FHIT: variants seen among roughly 807,000 people sequenced by gnomAD.
FHIT encodes bis(5'-adenosyl)-triphosphatase.
In FHIT, 19 loss-of-function variants were observed where a neutral mutation model predicts 17.9. That is an observed-to-expected ratio of 1.06 (90% CI 0.74 to 1.56). The LOEUF is 1.56. Ranked by LOEUF, FHIT falls within the 40% of genes most tolerant of loss-of-function variation. FHIT has a pLI of 0.00. For missense variants in FHIT, 248 were observed against 189.2 expected (o/e 1.31, Z -1.82); for synonymous variants, 81 against 69.7 (o/e 1.16, Z -0.81).
In FHIT at chr3:59,838,979, G is replaced by GA. The variant is rs537715334; in HGVS notation, c.348+83366dup. Among the ~76,000 whole-genome samples, 674 of 151,282 alleles carry GA rather than the reference G, an allele frequency of 4.5e-3. 7 individuals carry two copies. Among genetic ancestry groups the GA allele is most frequent in the African/African-American group, 0.015 (638 of 41,282 alleles). On this transcript the variant is annotated intron_variant, in intron 8 of 9. Transcript: ENST00000492590. ...TGGGATCTGGGTGACCTTTACTTAG[G>GA]AAAAAAAAGAGATCTATTCCACAAA...
chr3:60,590,236 C>T (rs1553663694), intron 4 of FHIT, among the ~76,000 whole-genome samples: 3 of 152,094 alleles, frequency 2.0e-5, no homozygotes, highest in Admixed American at 6.6e-5. Context: ...ACCACCTTGG[C>T]GGACATCAAA....
At chr3:60,179,077 C>T (rs1701808522) in intron 5 of FHIT, among the ~76,000 whole-genome samples, 1 of 152,062 alleles carries the variant, frequency 6.6e-6, no homozygotes, top group South Asian at 2.1e-4. Context: ...TTAAAGATTC[C>T]TCAGAATTAG....
chr3:61,184,215 C>T (rs1219004040), intron 2 of FHIT, among the ~76,000 whole-genome samples: 1 of 152,044 alleles, frequency 6.6e-6, no homozygotes. Context: ...GCTAACATCC[C>T]CTTTGGGCAG....
At chr3:60,369,735 G>C (rs1043276141) in intron 5 of FHIT, among the ~76,000 whole-genome samples, 2 of 152,112 alleles carry the variant, frequency 1.3e-5, no homozygotes, top group African/African-American at 4.8e-5. Context: ...GCTGCGACAG[G>C]ACTCCAATAT....
intron 4 of FHIT, among the ~76,000 whole-genome samples, chr3:60,612,605 T>C (rs1226636729): frequency 1.3e-5 from 2 of 152,218 alleles, no homozygotes; most frequent in African/African-American, 4.8e-5. Context: ...AGGTCACCCA[T>C]TCCAAGTCTG....
chr3:60,912,071 ACG>A (rs55727704), intron 3 of FHIT, among the ~76,000 whole-genome samples: 14 of 147,778 alleles, frequency 9.5e-5, no homozygotes, highest in Non-Finnish European at 1.8e-4. Flanking sequence ...ACACACACAC[ACG>A]TACACACACA....
At chr3:60,833,529 C>T (rs528422176) in intron 3 of FHIT, among the ~76,000 whole-genome samples, 1 of 152,268 alleles carries the variant, frequency 6.6e-6, no homozygotes, top group Non-Finnish European at 1.5e-5. Context: ...CTGTGACCTT[C>T]TCCTCTATGA....
At chr3:59,857,788 A>T (rs1346789422) in intron 8 of FHIT, among the ~76,000 whole-genome samples, 1 of 150,856 alleles carries the variant, frequency 6.6e-6, no homozygotes, top group African/African-American at 2.5e-5. Context: ...ACAAGAATGC[A>T]TTTCTCAACA....
Position 60,096,159 on chromosome 3 carries a change from G to T in FHIT, c.104-82007C>A, listed in dbSNP as rs1703940431. ...AGCCCGCTCAGGCCGAGTCTGACTT[G>T]CACACTAGTTCCCAAGTTCTTGTCC... On this transcript the variant is annotated intron_variant, in intron 5 of 9. Coordinates refer to ENST00000492590, the MANE Select transcript of FHIT (RefSeq NM_002012.4). Among the ~76,000 whole-genome samples the T allele has an allele frequency of 2.6e-5, 4 of 152,158 alleles. No homozygotes were observed. In the South Asian group the frequency reaches 8.3e-4, roughly 32 times the overall value.
intron 2 of FHIT, among the ~76,000 whole-genome samples, chr3:61,154,573 G>T (rs189252134): frequency 6.6e-6 from 1 of 152,098 alleles, no homozygotes; most frequent in South Asian, 2.1e-4. Context: ...AAGATCAGAG[G>T]AAATGATTTA....
intron 8 of FHIT, among the ~76,000 whole-genome samples, chr3:59,854,188 T>C (rs1474422827): frequency 6.6e-6 from 1 of 152,098 alleles, no homozygotes; most frequent in Non-Finnish European, 1.5e-5. Context: ...CTAAGGTGCA[T>C]GAAAGAAAAA....
intron 8 of FHIT, among the ~76,000 whole-genome samples, chr3:59,913,436 G>A (rs1704979303): frequency 1.3e-5 from 2 of 152,128 alleles, no homozygotes; most frequent in Non-Finnish European, 2.9e-5. Context: ...CCATGAGCTG[G>A]TTATGAGGTT....
intron 7 of FHIT, among the ~76,000 whole-genome samples, chr3:59,973,120 C>T (rs1708260508): frequency 6.6e-6 from 1 of 152,072 alleles, no homozygotes; most frequent in Non-Finnish European, 1.5e-5. Context: ...ATGGCAATTA[C>T]TGACATGTCT....
intron 8 of FHIT, among the ~76,000 whole-genome samples, chr3:59,846,966 T>G (rs188239394): frequency 2.6e-5 from 4 of 152,296 alleles, no homozygotes; most frequent in East Asian, 3.9e-4. Context: ...GGATCCCTAG[T>G]GCATGACAAA....
intron 4 of FHIT, among the ~76,000 whole-genome samples, chr3:60,587,522 A>T (rs958838289): frequency 4.2e-5 from 5 of 119,878 alleles, no homozygotes; most frequent in Admixed American, 2.4e-4. Context: ...AATAAAATTT[A>T]AAAAAAACTC....
chr3:61,214,068 T>C (rs928849975), intron 1 of FHIT, among the ~76,000 whole-genome samples: 1 of 152,002 alleles, frequency 6.6e-6, no homozygotes, highest in African/African-American at 2.4e-5. Flanking sequence ...AGATCCAAAA[T>C]TGACACCCTA....
chr3:60,112,893 T>C (rs1704740634), intron 5 of FHIT, among the ~76,000 whole-genome samples: 1 of 152,188 alleles, frequency 6.6e-6, no homozygotes, highest in South Asian at 2.1e-4. Context: ...CTTTACTCCT[T>C]ATGGAACCAC....
At chr3:61,031,761 A>G (rs2033019337) in intron 3 of FHIT, among the ~76,000 whole-genome samples, 1 of 152,208 alleles carries the variant, frequency 6.6e-6, no homozygotes, top group African/African-American at 2.4e-5. Flanking sequence ...GCCTGTGTTC[A>G]CTAAGACAGC....
intron 4 of FHIT, among the ~76,000 whole-genome samples, chr3:60,761,324 G>A (rs547047703): frequency 4.9e-4 from 75 of 152,288 alleles, no homozygotes; most frequent in South Asian, 2.1e-3. Context: ...ATGAGTGAAC[G>A]TGCGTATGAG....
Sources: allele counts gnomAD v4.1 joint callset (sites outside exome capture counted in the v4.1 genomes callset), GRCh38; gene constraint gnomAD v4.1.1; transcripts MANE v1.5; gene names NCBI Gene and HGNC (gene_info 2026-07-23, HGNC 2026-07-21).